The following SLC29A3 variants were observed in gnomAD, a reference collection of about 807,000 sequenced individuals.
SLC29A3 encodes equilibrative nucleoside transporter 3.
Under a neutral mutation model 25.4 loss-of-function variants are expected in SLC29A3, and 18 were observed. That is an observed-to-expected ratio of 0.71 (90% confidence interval 0.49 to 1.05). The LOEUF (loss-of-function observed/expected upper bound fraction) is 1.05. SLC29A3 is among the 50% of genes least tolerant of loss of function. The probability of loss-of-function intolerance (pLI) is 0.00; values close to 1 mark genes in which losing one functional copy is unlikely to be tolerated. For missense variants in SLC29A3, 586 were observed against 609.0 expected (o/e 0.96, Z 0.40); for synonymous variants, 258 against 267.1 (o/e 0.97, Z 0.33).
intron 2 of SLC29A3, among the ~76,000 whole-genome samples, chr10:71,342,048 ACT>A (rs1170769859): frequency 4.0e-5 from 6 of 150,848 alleles, no homozygotes; most frequent in Admixed American, 4.0e-4. Context: ...TGTTTGCTCT[ACT>A]CTCTCGGTTG....
intron 2 of SLC29A3, among the ~76,000 whole-genome samples, chr10:71,331,133 G>A (rs765018647): frequency 6.6e-6 from 1 of 152,142 alleles, no homozygotes; most frequent in Admixed American, 6.5e-5. Context: ...AGCTGCGTCT[G>A]TACTTAAAAA....
At chr10:71,350,553 A>G (rs1412849889) in intron 3 of SLC29A3, among the ~76,000 whole-genome samples, 2 of 152,136 alleles carry the variant, frequency 1.3e-5, no homozygotes, top group Non-Finnish European at 2.9e-5. Flanking sequence ...AGCTTCTCAG[A>G]TAGAATCCTT....
chr10:71,355,975 C>T (rs986876219), intron 4 of SLC29A3, 106 bp from the exon 5 acceptor site: 58 of 1,339,280 alleles, frequency 4.3e-5, no homozygotes, highest in South Asian at 3.5e-4. Flanking sequence ...ATTTTTCGCA[C>T]GGAGGAATTT....
intron 2 of SLC29A3, among the ~76,000 whole-genome samples, chr10:71,326,397 A>G (rs10740375): frequency 0.47 from 72,243 of 152,152 alleles, 18,119 homozygotes; most frequent in African/African-American, 0.65. Flanking sequence ...ATGGGCCCAT[A>G]CTTCTAAGCT....
At chr10:71,360,050 T>C (rs904067916) in intron 5 of SLC29A3, among the ~76,000 whole-genome samples, 5 of 152,118 alleles carry the variant, frequency 3.3e-5, no homozygotes, top group Admixed American at 2.6e-4. Flanking sequence ...TCAACAGTTA[T>C]GTGTTGAAGG....
At chr10:71,328,850 G>A (rs1846042348) in intron 2 of SLC29A3, among the ~76,000 whole-genome samples, 1 of 152,164 alleles carries the variant, frequency 6.6e-6, no homozygotes. Flanking sequence ...GGGGGACCTA[G>A]GGCATCCCCT....
intron 3 of SLC29A3, among the ~76,000 whole-genome samples, chr10:71,373,126 T>C (rs1265357620): frequency 2.0e-5 from 3 of 152,210 alleles, no homozygotes; most frequent in Non-Finnish European, 2.9e-5. Context: ...TGTTAACTGT[T>C]TTTCATTTTC....
At chr10:71,361,904 C>G (rs1259839248) in intron 5 of SLC29A3, 50 bp from the exon 6 acceptor site, 32 of 1,609,884 alleles carry the variant, frequency 2.0e-5, no homozygotes, top group Non-Finnish European at 2.6e-5. Context: ...GCTGTGCTGA[C>G]TCAGATCCCA....
chr10:71,351,742 C>G lies in SLC29A3; in HGVS notation c.564C>G (p.Gly188=). 6.2e-7 allele frequency: 1 copy of G among 1,614,084 alleles called. No individual in the cohort carries two copies. Among genetic ancestry groups the G allele is most frequent in the Non-Finnish European group, 8.5e-7 (1 of 1,180,038 alleles). Residue 188 remains glycine, a synonymous_variant, in exon 4 of 6, where the codon GGC becomes GGG. Transcript: ENST00000373189. ...ASTVFSSSIY[G]MTGSFPMRNS... is the part of the protein sequence containing the mutation. ...CTGTCTTCAGCAGCAGCATCTACGG[C>G]ATGACCGGCTCCTTTCCTATGAGGA...
rs181530311 is a variant in SLC29A3, at chr10:71,353,643, G to A, written c.610+1855G>A. Among the ~76,000 whole-genome samples the A allele has an allele frequency of 1.6e-3, 244 of 152,268 alleles. 2 individuals carry two copies. Among genetic ancestry groups the A allele is most frequent in the African/African-American group, 5.2e-3 (214 of 41,540 alleles). On this transcript the variant is annotated intron_variant, in intron 4 of 5. Transcript: ENST00000373189. ...GTGGTCACCACTGTATTGGGCCCTCGTGGGTGCCCAACACCCTGGAAAATC... is the reference window on the plus strand; with the variant it reads ...GTGGTCACCACTGTATTGGGCCCTCATGGGTGCCCAACACCCTGGAAAATC...
chr10:71,361,933 G>A, intron 5 of SLC29A3, 21 bp from the exon 6 acceptor site: 2 of 1,613,502 alleles, frequency 1.2e-6, no homozygotes, highest in Non-Finnish European at 1.7e-6. Context: ...GCTTGATGGT[G>A]GCCCTGTCTC....
At chr10:71,369,590 T>A (rs566331906) in intron 3 of SLC29A3, among the ~76,000 whole-genome samples, 21 of 152,244 alleles carry the variant, frequency 1.4e-4, no homozygotes, top group South Asian at 4.1e-4. Context: ...GCTAAGGAGA[T>A]CAGAGTAGAG....
At chr10:71,366,846 G>GT (rs1847174510), downstream of SLC29A3, among the ~76,000 whole-genome samples, 1 of 152,208 alleles carries the variant, frequency 6.6e-6, no homozygotes, top group African/African-American at 2.4e-5. Flanking sequence ...GGCTTTCTGA[G>GT]TGGGAGTACC....
At chr10:71,328,684 A>G (rs1175690534) in intron 2 of SLC29A3, among the ~76,000 whole-genome samples, 2 of 152,228 alleles carry the variant, frequency 1.3e-5, no homozygotes, top group African/African-American at 4.8e-5. Context: ...CCAATCCATG[A>G]TAGTGATGCC....
chr10:71,319,282 G>GGCAGCGGCGGCGTGGC lies in SLC29A3; in HGVS notation c.-18_-3dup, dbSNP rs1000157747. 31 of 628,214 alleles carry GGCAGCGGCGGCGTGGC rather than the reference G, an allele frequency of 4.9e-5. No homozygotes were observed. The highest frequency in any genetic ancestry group is 1.2e-4 in the Admixed American group (5 of 40,336). 38.9% of individuals were successfully genotyped at this position (628,214 alleles called of 1,614,324 possible). On this transcript the variant is annotated 5_prime_UTR_variant, in exon 1 of 6. Coordinates refer to ENST00000373189, the MANE Select transcript of SLC29A3 (RefSeq NM_018344.6). ...CCAGTGGTCCTGGCCGTGCGCCGGAGGCAGCGGCGGCGTGGCGCAGCGGCG... is the reference window on the plus strand; with the variant it reads ...CCAGTGGTCCTGGCCGTGCGCCGGAGGCAGCGGCGGCGTGGCGCAGCGGCGGCGTGGCGCAGCGGCG...
intron 1 of SLC29A3, among the ~76,000 whole-genome samples, chr10:71,322,440 TC>T (rs920711607): frequency 2.6e-5 from 4 of 152,232 alleles, no homozygotes; most frequent in African/African-American, 7.2e-5. Context: ...ATTGCCACAG[TC>T]CCCACTATCA....
At chr10:71,370,964 A>G (rs1164446542) in intron 3 of SLC29A3, among the ~76,000 whole-genome samples, 2 of 152,096 alleles carry the variant, frequency 1.3e-5, no homozygotes, top group African/African-American at 4.8e-5. Flanking sequence ...AATTTTTAAT[A>G]GAGACAGGGT....
At chr10:71,326,842 C>T (rs964530209) in intron 2 of SLC29A3, among the ~76,000 whole-genome samples, 4 of 152,148 alleles carry the variant, frequency 2.6e-5, no homozygotes, top group East Asian at 3.9e-4. Context: ...CTCTTGGCAT[C>T]GGAGATGAGA....
Position 71,362,148 on chromosome 10 carries a change from A to G in SLC29A3, c.968A>G (p.Tyr323Cys). Residue 323 changes from tyrosine (Y) to cysteine (C), a missense_variant, in exon 6 of 6, where the codon TAC (tyrosine) becomes TGC (cysteine). Coordinates refer to ENST00000373189, the MANE Select transcript of SLC29A3 (RefSeq NM_018344.6). ...GTCTTCTTCATCACCAGCCTCATCT[A>G]CCCCGCCATCTGCACCAACATCGAG... ...TYVFFITSLI[Y>C]PAICTNIESL... The G allele has an allele frequency of 6.2e-7, 1 of 1,613,630 alleles. No individual in the cohort carries two copies. The highest frequency in any genetic ancestry group is 8.5e-7 in the Non-Finnish European group (1 of 1,179,912).
Sources: gnomAD v4.1 joint callset for allele counts (sites outside exome capture counted in the v4.1 genomes callset) on GRCh38, gnomAD v4.1.1 for gene constraint, MANE v1.5 for transcripts, NCBI Gene and HGNC (gene_info 2026-07-23, HGNC 2026-07-21) for gene names.